CDH4: variants seen among roughly 807,000 people sequenced by gnomAD.
CDH4 encodes cadherin 4.
CDH4 carries 33 observed loss-of-function variants against 86.0 expected under a neutral mutation model. The observed-to-expected ratio is 0.38, with a 90% CI of 0.29 to 0.51. The LOEUF (loss-of-function observed/expected upper bound fraction) is 0.51, where lower values mean the gene tolerates loss of function less well. Ranked by LOEUF, CDH4 falls within the 20% of genes least tolerant of loss-of-function variation. The probability of loss-of-function intolerance (pLI) is 0.86; values close to 1 mark genes in which losing one functional copy is unlikely to be tolerated. For synonymous variants in CDH4, 555 were observed against 549.4 expected, an observed-to-expected ratio of 1.01 and a Z score of -0.14; for missense variants, 1,114 against 1,307.4, an observed-to-expected ratio of 0.85 and a Z score of 2.28.
intron 2 of CDH4, among the ~76,000 whole-genome samples, chr20:61,604,894 G>A (rs539167082): frequency 7.4e-6 from 1 of 135,050 alleles, no homozygotes; most frequent in Non-Finnish European, 1.6e-5. Context: ...ATGGCTACAG[G>A]AAGAGAGAGG....
At chr20:61,580,642 G>T (rs1021551272) in intron 2 of CDH4, among the ~76,000 whole-genome samples, 5 of 152,082 alleles carry the variant, frequency 3.3e-5, no homozygotes, top group South Asian at 2.1e-4. Context: ...GACGCTCTAG[G>T]GGGGGAAATT....
At chr20:61,661,084 C>CAGGGGG (rs796435717) in intron 2 of CDH4, among the ~76,000 whole-genome samples, 1 of 74,866 alleles carries the variant, frequency 1.3e-5, no homozygotes, top group African/African-American at 4.1e-5. Context: ...GGAGGCATGG[C>CAGGGGG]GGGGGGGGGG....
chr20:61,410,292 G>C (rs2085110363), intron 2 of CDH4, among the ~76,000 whole-genome samples: 2 of 151,712 alleles, frequency 1.3e-5, no homozygotes, highest in African/African-American at 4.8e-5. Context: ...CCATCCTTCT[G>C]TTCACCTGTT....
At chr20:61,487,880 AC>A (rs1479576656) in intron 2 of CDH4, among the ~76,000 whole-genome samples, 2 of 152,208 alleles carry the variant, frequency 1.3e-5, no homozygotes, top group African/African-American at 4.8e-5. Context: ...TGCAGTTACA[AC>A]TAAGTATGGG....
At chr20:61,920,139 G>A (rs75332615) in intron 9 of CDH4, among the ~76,000 whole-genome samples, 16 of 42,452 alleles carry the variant, frequency 3.8e-4, no homozygotes, top group East Asian at 7.7e-4. Flanking sequence ...GCGTGGAAGC[G>A]TGGTTTTGTG....
chr20:61,297,645 T>C (rs578083314), intron 2 of CDH4, among the ~76,000 whole-genome samples: 119 of 152,348 alleles, frequency 7.8e-4, no homozygotes, highest in Non-Finnish European at 1.2e-3. Flanking sequence ...TTCAGAAAGA[T>C]TTGTCGATTG....
At chr20:61,761,898 A>ACAGCTCCGCACAGCAGG (rs1195129657) in intron 3 of CDH4, among the ~76,000 whole-genome samples, 6 of 152,152 alleles carry the variant, frequency 3.9e-5, no homozygotes, top group Non-Finnish European at 5.9e-5. Context: ...AGCCATGCCG[A>ACAGCTCCGCACAGCAGG]CAGCTCCGCA....
intron 2 of CDH4, among the ~76,000 whole-genome samples, chr20:61,465,047 T>C (rs1433654707): frequency 1.3e-5 from 2 of 152,258 alleles, no homozygotes; most frequent in African/African-American, 4.8e-5. Context: ...GCAGGTCTTA[T>C]ATGCCTTCAC....
chr20:61,597,473 TAC>T (rs2086565391), intron 2 of CDH4, among the ~76,000 whole-genome samples: 1 of 152,214 alleles, frequency 6.6e-6, no homozygotes, highest in South Asian at 2.1e-4. Flanking sequence ...CCTTCCCCAG[TAC>T]AGATTCCCCA....
intron 2 of CDH4, among the ~76,000 whole-genome samples, chr20:61,720,407 A>G (rs1217574450): frequency 6.4e-5 from 9 of 139,842 alleles, no homozygotes; most frequent in African/African-American, 2.5e-4. Context: ...AGGGGTGCGA[A>G]GTGTAAGTGT....
At chr20:61,461,047 A>C (rs2085439064) in intron 2 of CDH4, among the ~76,000 whole-genome samples, 1 of 152,102 alleles carries the variant, frequency 6.6e-6, no homozygotes, top group African/African-American at 2.4e-5. Flanking sequence ...TTTGCTGAAG[A>C]CCAGGTTCCT....
At chr20:61,815,950 A>G (rs1174480766) in intron 4 of CDH4, among the ~76,000 whole-genome samples, 3 of 152,148 alleles carry the variant, frequency 2.0e-5, no homozygotes, top group Non-Finnish European at 4.4e-5. Context: ...TCAATTTACA[A>G]AAGAAGGTTT....
chr20:61,587,641 C>T (rs1006152871), intron 2 of CDH4, among the ~76,000 whole-genome samples: 9 of 152,118 alleles, frequency 5.9e-5, no homozygotes, highest in African/African-American at 1.4e-4. Context: ...TGGGGCACCA[C>T]GTCTTCCACA....
At chr20:61,735,118 G>A (rs2088246143) in intron 2 of CDH4, among the ~76,000 whole-genome samples, 1 of 152,130 alleles carries the variant, frequency 6.6e-6, no homozygotes, top group South Asian at 2.1e-4. Flanking sequence ...CTGATCTGGA[G>A]ATCTCTGTGG....
At chr20:61,840,561 C>G (rs375242333) in intron 4 of CDH4, among the ~76,000 whole-genome samples, 1 of 152,364 alleles carries the variant, frequency 6.6e-6, no homozygotes, top group Non-Finnish European at 1.5e-5. Flanking sequence ...TTTAAACTAA[C>G]CTTTCACCAT....
intron 4 of CDH4, among the ~76,000 whole-genome samples, chr20:61,777,590 A>G (rs2088855796): frequency 6.6e-6 from 1 of 152,408 alleles, no homozygotes; most frequent in Non-Finnish European, 1.5e-5. Context: ...AACTCAGTGC[A>G]TGTGCACACA....
intron 2 of CDH4, among the ~76,000 whole-genome samples, chr20:61,577,253 TG>T (rs1303675117): frequency 6.6e-6 from 1 of 150,396 alleles, no homozygotes; most frequent in Admixed American, 6.6e-5. Flanking sequence ...GTTGAGTGTA[TG>T]TGTATTGAAG....
At chr20:61,728,884 C>G (rs1388061131) in intron 2 of CDH4, among the ~76,000 whole-genome samples, 1 of 152,198 alleles carries the variant, frequency 6.6e-6, no homozygotes, top group Admixed American at 6.5e-5. Flanking sequence ...GCAAAAGTCC[C>G]AGCAAGGCCA....
chr20:61,667,711 G>A (rs1600856287), intron 2 of CDH4, among the ~76,000 whole-genome samples: 1 of 152,146 alleles, frequency 6.6e-6, no homozygotes, highest in Non-Finnish European at 1.5e-5. Context: ...GGAAGGGGTC[G>A]GGCTGGACTC....
Sources: gnomAD v4.1 joint callset for allele counts (sites outside exome capture counted in the v4.1 genomes callset) on GRCh38, gnomAD v4.1.1 for gene constraint, MANE v1.5 for transcripts, NCBI Gene and HGNC (gene_info 2026-07-23, HGNC 2026-07-21) for gene names.